The following CSMD1 variants were observed in gnomAD, a reference collection of about 807,000 sequenced individuals.
CSMD1 encodes CUB and Sushi multiple domains 1.
A neutral mutation model predicts 417.5 loss-of-function variants in CSMD1; 213 were observed. The observed-to-expected ratio is 0.51, with a 90% confidence interval of 0.46 to 0.57. The LOEUF (loss-of-function observed/expected upper bound fraction) is 0.57, where lower values mean the gene tolerates loss of function less well. Among genes scored for constraint, CSMD1 ranks in the 20% least tolerant of loss-of-function variants. CSMD1 has a pLI of 0.00. For missense variants in CSMD1, 6,923 were observed against 4,529.7 expected (o/e 1.53, Z -15.17); for synonymous variants, 2,862 against 1,736.8 (o/e 1.65, Z -16.11).
chr8:4,476,269 TGATA>T (rs1402587741), intron 2 of CSMD1, among the ~76,000 whole-genome samples: 1 of 152,178 alleles, frequency 6.6e-6, no homozygotes, highest in East Asian at 1.9e-4. Context: ...TTATTCATCA[TGATA>T]GAGACCGGAT....
chr8:3,984,557 A>T (rs1373038723), intron 5 of CSMD1, among the ~76,000 whole-genome samples: 2 of 151,646 alleles, frequency 1.3e-5, no homozygotes, highest in South Asian at 2.1e-4. Context: ...TATATTAAAA[A>T]ATATATATAT....
chr8:3,751,310 G>GTC (rs1797326480), intron 6 of CSMD1, among the ~76,000 whole-genome samples: 1 of 145,572 alleles, frequency 6.9e-6, no homozygotes, highest in Non-Finnish European at 1.5e-5. Context: ...GTGTGTGTGT[G>GTC]TGTGTGTGTG....
At chr8:4,047,287 G>T (rs1483588318) in intron 3 of CSMD1, among the ~76,000 whole-genome samples, 1 of 152,098 alleles carries the variant, frequency 6.6e-6, no homozygotes, top group Non-Finnish European at 1.5e-5. Context: ...GAGGAAGGGA[G>T]GAAGGAGAGA....
At chr8:3,380,799 G>T (rs1000944590) in intron 18 of CSMD1, among the ~76,000 whole-genome samples, 1 of 151,918 alleles carries the variant, frequency 6.6e-6, no homozygotes, top group South Asian at 2.1e-4. Flanking sequence ...TAGATGATGG[G>T]TTGTTGGGTG....
chr8:3,421,377 G>A (rs563748912), intron 12 of CSMD1, among the ~76,000 whole-genome samples: 2 of 152,266 alleles, frequency 1.3e-5, no homozygotes, highest in South Asian at 2.1e-4. Context: ...CAGAGATAAA[G>A]GAATGACCAA....
intron 1 of CSMD1, among the ~76,000 whole-genome samples, chr8:4,678,980 G>A (rs1245098908): frequency 3.9e-5 from 6 of 152,298 alleles, no homozygotes; most frequent in South Asian, 2.1e-4. Context: ...GTTGTGTGCT[G>A]CCGACTCTCA....
intron 1 of CSMD1, among the ~76,000 whole-genome samples, chr8:4,829,841 T>A (rs937662336): frequency 2.6e-5 from 4 of 152,128 alleles, no homozygotes; most frequent in African/African-American, 9.7e-5. Context: ...TCGCTTTACC[T>A]TGGGGACAAG....
intron 25 of CSMD1, among the ~76,000 whole-genome samples, chr8:3,286,352 T>C (rs1803157686): frequency 6.6e-6 from 1 of 152,182 alleles, no homozygotes; most frequent in African/African-American, 2.4e-5. Context: ...AGTAATGGGA[T>C]GGCTGGGTCA....
At chr8:3,601,664 C>G (rs1769878367) in intron 8 of CSMD1, among the ~76,000 whole-genome samples, 1 of 152,150 alleles carries the variant, frequency 6.6e-6, no homozygotes, top group South Asian at 2.1e-4. Flanking sequence ...CTAATGGAAG[C>G]CTGTGAAATC....
At chr8:4,356,542 T>G (rs1460531442) in intron 3 of CSMD1, among the ~76,000 whole-genome samples, 4 of 152,190 alleles carry the variant, frequency 2.6e-5, no homozygotes, top group Non-Finnish European at 4.4e-5. Context: ...CTTAGAGTAT[T>G]TTAAATATGT....
At chr8:4,706,335 A>T (rs1223974275) in intron 1 of CSMD1, among the ~76,000 whole-genome samples, 1 of 152,144 alleles carries the variant, frequency 6.6e-6, no homozygotes, top group African/African-American at 2.4e-5. Flanking sequence ...ATACTTTTCC[A>T]CATAACCCTT....
chr8:3,363,215 G>A (rs753705599), intron 20 of CSMD1, among the ~76,000 whole-genome samples: 2 of 152,114 alleles, frequency 1.3e-5, no homozygotes, highest in Non-Finnish European at 2.9e-5. Flanking sequence ...TCAGAGACCT[G>A]CCTAGGCAAT....
chr8:3,538,025 G>A (rs1798275633), intron 10 of CSMD1, among the ~76,000 whole-genome samples: 1 of 152,168 alleles, frequency 6.6e-6, no homozygotes, highest in Non-Finnish European at 1.5e-5. Flanking sequence ...CAAGACTGTG[G>A]TAAACCCTTT....
intron 62 of CSMD1, among the ~76,000 whole-genome samples, chr8:2,960,832 G>A (rs1423935915): frequency 6.6e-6 from 1 of 151,198 alleles, no homozygotes; most frequent in Non-Finnish European, 1.5e-5. Context: ...GAATTTAACA[G>A]ACAAATAATA....
At chr8:4,419,868 C>G (rs919696813) in intron 3 of CSMD1, 85 bp downstream of exon 3, 38 of 935,372 alleles carry the variant, frequency 4.1e-5, no homozygotes, top group Non-Finnish European at 6.4e-5. Context: ...ACATAGCAGC[C>G]TAGTTTGTCA....
At chr8:3,265,208 A>T (rs1217656385) in intron 26 of CSMD1, among the ~76,000 whole-genome samples, 1 of 152,230 alleles carries the variant, frequency 6.6e-6, no homozygotes, top group Non-Finnish European at 1.5e-5. Flanking sequence ...TCAGAAAATA[A>T]GCACAGACAC....
chr8:3,787,175 T>C (rs1395997117), intron 5 of CSMD1, among the ~76,000 whole-genome samples: 1 of 152,080 alleles, frequency 6.6e-6, no homozygotes, highest in Non-Finnish European at 1.5e-5. Context: ...TTTCACTTTC[T>C]AGAAAGGAAA....
Position 3,533,892 on chromosome 8 carries a change from C to T in CSMD1, c.1345-40166G>A, listed in dbSNP as rs527303988. ...TACAATCGAAATCTTTCAGATGTAT[C>T]AGCTCGTCATTCACCAAGAATCCCT... On this transcript the variant is annotated intron_variant, in intron 10 of 69. Coordinates refer to ENST00000635120, the MANE Select transcript of CSMD1 (RefSeq NM_033225.6). Among the ~76,000 whole-genome samples, 10 of 152,288 alleles carry T rather than the reference C, an allele frequency of 6.6e-5. No individual in the cohort carries two copies. In the South Asian group the frequency reaches 2.1e-3, roughly 32 times the overall value.
chr8:3,709,484 G>C (rs1396847979), intron 6 of CSMD1, among the ~76,000 whole-genome samples: 2 of 152,156 alleles, frequency 1.3e-5, no homozygotes, highest in South Asian at 2.1e-4. Context: ...GGCCAGAGGA[G>C]ATTCTGGGGG....
Sources: allele counts gnomAD v4.1 joint callset (sites outside exome capture counted in the v4.1 genomes callset), GRCh38; gene constraint gnomAD v4.1.1; transcripts MANE v1.5; gene names NCBI Gene and HGNC (gene_info 2026-07-23, HGNC 2026-07-21).